The following ARB2A variants were observed in gnomAD, a reference collection of about 807,000 sequenced individuals.
ARB2A encodes the protein ARB2 cotranscriptional regulator A.
At chr5:93,641,211 A>AG in the ARB2A span, among the ~76,000 whole-genome samples, 1 of 152,110 alleles carries the variant, frequency 6.6e-6, no homozygotes, top group African/African-American at 2.4e-5. Context: ...AAAAAAAAAA[A>AG]AAATTATGAG....
At chr5:94,094,219 G>A in the ARB2A span, among the ~76,000 whole-genome samples, 1 of 152,176 alleles carries the variant, frequency 6.6e-6, no homozygotes, top group Non-Finnish European at 1.5e-5. Context: ...CAGCTCTTGA[G>A]GCTAGAAGTC....
chr5:93,635,335 A>G, the ARB2A span, among the ~76,000 whole-genome samples: 5 of 152,268 alleles, frequency 3.3e-5, 1 homozygote, highest in South Asian at 8.3e-4. Context: ...CAGAAGATGT[A>G]TGTCTAATTG....
At chr5:93,838,454 T>C in the ARB2A span, among the ~76,000 whole-genome samples, 74 of 152,284 alleles carry the variant, frequency 4.9e-4, no homozygotes, top group African/African-American at 1.8e-3. Flanking sequence ...TTGTTCTGTT[T>C]GCTTATGAGT....
the ARB2A span, chr5:93,741,196 A>C: frequency 6.2e-7 from 1 of 1,613,806 alleles, no homozygotes; most frequent in Non-Finnish European, 8.5e-7. Flanking sequence ...CAACTCTTTC[A>C]GTATGCCCGA....
the ARB2A span, among the ~76,000 whole-genome samples, chr5:93,937,682 G>A: frequency 3.3e-5 from 5 of 151,736 alleles, no homozygotes; most frequent in South Asian, 1.0e-3. Flanking sequence ...GTGTTTGTGT[G>A]TATGCAGTTA....
the ARB2A span, among the ~76,000 whole-genome samples, chr5:94,051,924 A>G: frequency 6.6e-6 from 1 of 152,014 alleles, no homozygotes; most frequent in Non-Finnish European, 1.5e-5. Context: ...CAGGTTCAAG[A>G]GATTCTCATG....
the ARB2A span, among the ~76,000 whole-genome samples, chr5:93,934,358 AAAG>A: frequency 2.6e-5 from 4 of 152,356 alleles, no homozygotes; most frequent in East Asian, 5.8e-4. Context: ...CGATTTTGAA[AAAG>A]AAGACTAAAA....
the ARB2A span, among the ~76,000 whole-genome samples, chr5:94,028,898 A>G: frequency 6.6e-6 from 1 of 152,132 alleles, no homozygotes; most frequent in Non-Finnish European, 1.5e-5. Flanking sequence ...AAGAAACTTA[A>G]TTCTTTCCCA....
chr5:93,724,667 C>T, the ARB2A span, among the ~76,000 whole-genome samples: 1 of 151,974 alleles, frequency 6.6e-6, no homozygotes, highest in Non-Finnish European at 1.5e-5. Context: ...CTAGGTGATA[C>T]AGTAATCCTC....
At chr5:93,950,080 A>G in the ARB2A span, among the ~76,000 whole-genome samples, 2 of 152,228 alleles carry the variant, frequency 1.3e-5, no homozygotes, top group African/African-American at 4.8e-5. Flanking sequence ...TCCATTGCAT[A>G]TATGTACCAC....
the ARB2A span, chr5:93,621,220 A>C: frequency 7.9e-7 from 1 of 1,263,636 alleles, no homozygotes; most frequent in Non-Finnish European, 1.0e-6. Context: ...CCGGCTCCCG[A>C]CCACCCGGTC....
the ARB2A span, among the ~76,000 whole-genome samples, chr5:93,670,347 G>A: frequency 6.6e-6 from 1 of 152,312 alleles, no homozygotes; most frequent in Middle Eastern, 3.4e-3. Flanking sequence ...AGGCTCCAAG[G>A]CTCTAAGCAA....
the ARB2A span, among the ~76,000 whole-genome samples, chr5:94,006,514 TA>T: frequency 6.6e-6 from 1 of 152,168 alleles, no homozygotes; most frequent in African/African-American, 2.4e-5. Context: ...TGCAAGATGC[TA>T]GCACTGGGGA....
the ARB2A span, among the ~76,000 whole-genome samples, chr5:94,072,587 C>T: frequency 2.0e-5 from 3 of 151,728 alleles, no homozygotes; most frequent in Non-Finnish European, 2.9e-5. Context: ...TTTGAAGGGG[C>T]CTGGGGTTAG....
chr5:93,731,506 A>G, the ARB2A span, among the ~76,000 whole-genome samples: 1 of 152,162 alleles, frequency 6.6e-6, no homozygotes, highest in African/African-American at 2.4e-5. Flanking sequence ...AAGCCACCCA[A>G]TCTGTGGTAC....
At chr5:93,873,373 AGGAAAGGAAAGGAAGG>A in the ARB2A span, among the ~76,000 whole-genome samples, 68 of 11,524 alleles carry the variant, frequency 5.9e-3, no homozygotes, top group African/African-American at 0.016. Context: ...AGGAAAGGAA[AGGAAAGGAAAGGAAGG>A]GGAAGGGGAA....
At chr5:93,769,622 C>A in the ARB2A span, among the ~76,000 whole-genome samples, 1 of 152,104 alleles carries the variant, frequency 6.6e-6, no homozygotes, top group Admixed American at 6.5e-5. Context: ...TTATTTGATG[C>A]AACCTAATGT....
chr5:93,850,942 T>C, the ARB2A span, among the ~76,000 whole-genome samples: 11 of 152,194 alleles, frequency 7.2e-5, no homozygotes, highest in Non-Finnish European at 1.2e-4. Context: ...ATATTTTCTA[T>C]TAAGTATGTT....
At chr5:94,075,763 A>G in the ARB2A span, among the ~76,000 whole-genome samples, 2 of 152,176 alleles carry the variant, frequency 1.3e-5, no homozygotes, top group African/African-American at 2.4e-5. Context: ...AATGTAACAG[A>G]AAATACTTTT....
Sources: gnomAD v4.1 joint callset for allele counts (sites outside exome capture counted in the v4.1 genomes callset) on GRCh38, gnomAD v4.1.1 for gene constraint, MANE v1.5 for transcripts, NCBI Gene and HGNC (gene_info 2026-07-23, HGNC 2026-07-21) for gene names.